Variants in PDGFRL observed in about 807,000 individuals in gnomAD.
The protein encoded by PDGFRL is platelet derived growth factor receptor like.
PDGFRL carries 46 observed loss-of-function variants against 37.2 expected under a neutral mutation model. The observed-to-expected ratio is 1.24, with a 90% CI of 0.98 to 1.58. PDGFRL has a LOEUF of 1.58. Among genes scored for constraint, PDGFRL ranks in the 40% most tolerant of loss-of-function variants. The pLI, the probability that PDGFRL is intolerant of heterozygous loss-of-function variation, is 0.00. For synonymous variants in PDGFRL, 251 were observed against 184.3 expected, an observed-to-expected ratio of 1.36 and a Z score of -2.93; for missense variants, 692 against 467.6, an observed-to-expected ratio of 1.48 and a Z score of -4.43.
chr8:17,596,966 G>A (rs997209960), intron 2 of PDGFRL, among the ~76,000 whole-genome samples: 1 of 152,278 alleles, frequency 6.6e-6, no homozygotes, highest in African/African-American at 2.4e-5. Flanking sequence ...CTATGACAGT[G>A]TTGGGTTTGG....
chr8:17,600,437 C>G (rs1804143240), intron 2 of PDGFRL, among the ~76,000 whole-genome samples: 1 of 152,100 alleles, frequency 6.6e-6, no homozygotes, highest in Non-Finnish European at 1.5e-5. Flanking sequence ...TCGATTTGTC[C>G]TATATTACAT....
intron 1 of PDGFRL, among the ~76,000 whole-genome samples, chr8:17,581,270 G>A (rs1278149049): frequency 6.6e-6 from 1 of 152,128 alleles, no homozygotes; most frequent in Non-Finnish European, 1.5e-5. Context: ...CACTCCAGGG[G>A]CACCACAAAG....
rs528470151 is a variant in PDGFRL, at chr8:17,621,979, G to T, written c.505+777G>T. On this transcript the variant is annotated intron_variant, in intron 3 of 5. Coordinates refer to ENST00000251630, the MANE Select transcript of PDGFRL (RefSeq NM_001372073.1). ...TGAGCCATTCTGCTCAGCCCTGTTT[G>T]TTCTTGTGAATACTATGAGCTGAGA... Among the ~76,000 whole-genome samples the T allele has an allele frequency of 2.6e-5, 4 of 152,244 alleles. 1 individual carries two copies. Among genetic ancestry groups the T allele is most frequent in the Middle Eastern group, 6.8e-3 (2 of 294 alleles).
At chr8:17,605,378 C>T (rs1804252575) in intron 2 of PDGFRL, among the ~76,000 whole-genome samples, 1 of 152,056 alleles carries the variant, frequency 6.6e-6, no homozygotes, top group Non-Finnish European at 1.5e-5. Flanking sequence ...TAAATTTTTT[C>T]TTGCATTTTG....
chr8:17,633,822 C>T (rs1339217338), intron 4 of PDGFRL, among the ~76,000 whole-genome samples: 1 of 152,174 alleles, frequency 6.6e-6, no homozygotes, highest in Non-Finnish European at 1.5e-5. Flanking sequence ...TGAGCTTCCT[C>T]TCCTAATCAC....
In PDGFRL at chr8:17,596,356, G is replaced by GC; in HGVS notation, c.353+6594dup. On this transcript the variant is annotated intron_variant, in intron 2 of 5. Coordinates refer to ENST00000251630, the MANE Select transcript of PDGFRL (RefSeq NM_001372073.1). ...TAACTCCGTGGGAAGAAGCCAACGC[G>GC]CCCGCAGGACCGGCCCTGCCTCCAA... The GC allele has an allele frequency of 6.5e-6, 8 of 1,238,028 alleles. No homozygotes were observed. The South Asian group carries it at 3.1e-4, about 48-fold the overall frequency. The allele number at this position is 1,238,028 out of a possible 1,614,324, so 76.7% of individuals were successfully genotyped here. A position where few individuals can be genotyped will look rare whatever the true frequency, so the allele number is the denominator to read the frequency against.
Position 17,638,769 on chromosome 8 carries a change from AT to A in PDGFRL, c.940-3843del, listed in dbSNP as rs1171727092. Among the ~76,000 whole-genome samples, 121 of 105,998 alleles carry A rather than the reference AT, an allele frequency of 1.1e-3. 7 individuals carry two copies. Among genetic ancestry groups the A allele is most frequent in the Admixed American group, 2.7e-3 (30 of 11,140 alleles). 69.5% of individuals were successfully genotyped at this position (105,998 alleles called of 152,430 possible). ...TATATATATATATATATATATATATATATATATATATATATATAATTGTGAT... is the reference window on the plus strand; with the variant it reads ...TATATATATATATATATATATATATAATATATATATATATATAATTGTGAT... On this transcript the variant is annotated intron_variant, in intron 5 of 5. Transcript: ENST00000251630.
At chr8:17,641,872 G>A (rs1805104489) in intron 5 of PDGFRL, among the ~76,000 whole-genome samples, 1 of 126,976 alleles carries the variant, frequency 7.9e-6, no homozygotes, top group African/African-American at 3.2e-5. Context: ...ATACTTACAG[G>A]ACATTGATGA....
Position 17,584,717 on chromosome 8 carries a change from C to CTTT in PDGFRL, c.56-4738_56-4736dup, listed in dbSNP as rs58165312. ...TGAAGGATCTAATTCTCAGAAACTG[C>CTTT]TTTTTTTTTTTTTTTAAAGATACTT... On this transcript the variant is annotated intron_variant, in intron 1 of 5. Coordinates refer to ENST00000251630, the MANE Select transcript of PDGFRL (RefSeq NM_001372073.1). Among the ~76,000 whole-genome samples the CTTT allele has an allele frequency of 1.0e-4, 15 of 145,120 alleles. 1 individual carries two copies. Among genetic ancestry groups the CTTT allele is most frequent in the African/African-American group, 3.3e-4 (13 of 39,146 alleles).
rs558817564 is a variant in PDGFRL at position 17,619,849 on chromosome 8, G to A, written c.354-1202G>A. On this transcript the variant is annotated intron_variant, in intron 2 of 5. Coordinates refer to ENST00000251630, the MANE Select transcript of PDGFRL (RefSeq NM_001372073.1). ...ACCAATGGTTTTACTTAAGGAAACC[G>A]CAGGTCTGAGGACAATTACATTCTC... Among the ~76,000 whole-genome samples the A allele has an allele frequency of 5.9e-5, 9 of 152,274 alleles. No homozygotes were observed. The East Asian group carries it at 7.7e-4, about 13-fold the overall frequency.
At chr8:17,591,847 C>T (rs191176719) in intron 2 of PDGFRL, among the ~76,000 whole-genome samples, 9 of 152,096 alleles carry the variant, frequency 5.9e-5, no homozygotes, top group African/African-American at 1.7e-4. Context: ...ACCTGGGAGG[C>T]GGAGGTTGCA....
chr8:17,598,921 A>G (rs1483251459), intron 2 of PDGFRL, among the ~76,000 whole-genome samples: 1 of 152,160 alleles, frequency 6.6e-6, no homozygotes, highest in Non-Finnish European at 1.5e-5. Context: ...CTCTTCCACC[A>G]GGATTGTGAG....
At chr8:17,588,206 T>C (rs1183391405) in intron 1 of PDGFRL, among the ~76,000 whole-genome samples, 2 of 152,194 alleles carry the variant, frequency 1.3e-5, no homozygotes, top group Non-Finnish European at 2.9e-5. Flanking sequence ...GTTGGTGAAA[T>C]TCTAAATCGT....
At chr8:17,576,621 T>G (rs1211850197), upstream of PDGFRL, 9 of 612,256 alleles carry the variant, frequency 1.5e-5, no homozygotes, top group African/African-American at 1.8e-4. Flanking sequence ...GCCCGGGTTG[T>G]CTGCACAGTC....
At chr8:17,594,204 CT>C (rs1563509520) in intron 2 of PDGFRL, among the ~76,000 whole-genome samples, 3 of 151,978 alleles carry the variant, frequency 2.0e-5, no homozygotes, top group Non-Finnish European at 1.5e-5. Flanking sequence ...GTGGTTTCCT[CT>C]TTGTTTAAGG....
At chr8:17,620,284 T>C (rs1804604930) in intron 2 of PDGFRL, among the ~76,000 whole-genome samples, 1 of 152,210 alleles carries the variant, frequency 6.6e-6, no homozygotes, top group African/African-American at 2.4e-5. Context: ...AAATTTATTT[T>C]AGTGGTGACA....
chr8:17,602,722 T>G (rs112312999), intron 2 of PDGFRL, among the ~76,000 whole-genome samples: 1 of 151,914 alleles, frequency 6.6e-6, no homozygotes, highest in Non-Finnish European at 1.5e-5. Flanking sequence ...AGGATGCTCT[T>G]GGAGTTCTGG....
intron 2 of PDGFRL, among the ~76,000 whole-genome samples, chr8:17,620,062 A>C (rs1363520826): frequency 2.0e-5 from 3 of 152,170 alleles, no homozygotes; most frequent in African/African-American, 7.2e-5. Context: ...TCTTGTGCTC[A>C]AGCCATCTTC....
At position 17,583,503 on chromosome 8, in the gene PDGFRL, G is replaced by T. The variant is rs138260397; in HGVS notation, c.56-5965G>T. Among the ~76,000 whole-genome samples the T allele has an allele frequency of 2.5e-3, 373 of 152,242 alleles. 1 individual carries two copies. Among genetic ancestry groups the T allele is most frequent in the African/African-American group, 8.7e-3 (362 of 41,514 alleles). ...TGATGCTGGAACAAGTTAAGATTTC[G>T]GGGACTATTGGGAAAGGATGCTTGT... is the stretch of plus-strand genomic sequence containing the variant. On this transcript the variant is annotated intron_variant, in intron 1 of 5. Transcript: ENST00000251630.
Sources: allele counts gnomAD v4.1 joint callset (sites outside exome capture counted in the v4.1 genomes callset), GRCh38; gene constraint gnomAD v4.1.1; transcripts MANE v1.5; gene names NCBI Gene and HGNC (gene_info 2026-07-23, HGNC 2026-07-21).